Variants in MCF2L2 observed in about 807,000 individuals in gnomAD.
The protein encoded by MCF2L2 is probable guanine nucleotide exchange factor MCF2L2.
In MCF2L2, 102 loss-of-function variants were observed where a neutral mutation model predicts 150.2. That is an observed-to-expected ratio of 0.68 (90% CI 0.58 to 0.80). MCF2L2 has a LOEUF of 0.80. Among genes scored for constraint, MCF2L2 ranks in the 30% least tolerant of loss-of-function variants. The pLI, the probability that MCF2L2 is intolerant of heterozygous loss-of-function variation, is 0.00. For missense variants in MCF2L2, 1,256 were observed against 1,372.8 expected, an observed-to-expected ratio of 0.91 and a Z score of 1.34; for synonymous variants, 465 against 491.3, an observed-to-expected ratio of 0.95 and a Z score of 0.71.
intron 1 of MCF2L2, among the ~76,000 whole-genome samples, chr3:183,419,751 T>C (rs752602580): frequency 3.9e-5 from 6 of 152,170 alleles, no homozygotes; most frequent in Non-Finnish European, 8.8e-5. Context: ...CATGCACCTG[T>C]AGTCCCAGCT....
chr3:183,201,059 G>A (rs1458222551), intron 25 of MCF2L2, among the ~76,000 whole-genome samples: 3 of 152,178 alleles, frequency 2.0e-5, no homozygotes, highest in East Asian at 1.9e-4. Context: ...CAGGTAGCGT[G>A]ATGCCTCCAG....
chr3:183,202,389 A>G (rs1234037936), intron 25 of MCF2L2, among the ~76,000 whole-genome samples: 1 of 152,252 alleles, frequency 6.6e-6, no homozygotes, highest in East Asian at 1.9e-4. Flanking sequence ...AGGGTTGTAA[A>G]GGCTCCAAAA....
intron 1 of MCF2L2, among the ~76,000 whole-genome samples, chr3:183,395,346 AAAAG>A (rs1714378053): frequency 1.3e-5 from 2 of 151,122 alleles, no homozygotes; most frequent in East Asian, 1.9e-4. Flanking sequence ...CAGATTTTAA[AAAAG>A]AAAGAAAAAA....
At chr3:183,192,924 G>T in intron 27 of MCF2L2, 75 bp downstream of exon 27, 1 of 1,082,250 alleles carries the variant, frequency 9.2e-7, no homozygotes. Flanking sequence ...CCTAGGTGAT[G>T]TCTTCCTTAG....
At chr3:183,311,057 T>A in intron 8 of MCF2L2, 28 bp from the exon 9 acceptor site, 1 of 1,436,068 alleles carries the variant, frequency 7.0e-7, no homozygotes, top group Non-Finnish European at 9.8e-7. Flanking sequence ...GAAAGTGATG[T>A]TAGGTTAGCA....
In MCF2L2 at chr3:183,219,943, C is replaced by G. The variant is rs1723085776; in HGVS notation, c.2302-19G>C. The G allele has an allele frequency of 1.3e-6, 2 of 1,591,760 alleles. No individual in the cohort carries two copies. The highest frequency in any genetic ancestry group is 1.7e-6 in the Non-Finnish European group (2 of 1,162,550). On this transcript the variant is annotated intron_variant, in intron 20 of 29. Transcript: ENST00000328913. The stretch of plus-strand genomic sequence containing the variant: ...GCAGACCCTGCATTAACCCAAAAGT[C>G]TTGTTGAAAATTAAAATGTACATTG...
At chr3:183,315,318 T>C (rs901102085) in intron 7 of MCF2L2, among the ~76,000 whole-genome samples, 4 of 152,186 alleles carry the variant, frequency 2.6e-5, no homozygotes, top group Non-Finnish European at 4.4e-5. Context: ...TCACTTAATA[T>C]TCTTAATCGA....
chr3:183,389,983 C>T lies in MCF2L2; in HGVS notation c.77-204G>A, dbSNP rs1244051784. Among the ~76,000 whole-genome samples, 8 of 152,272 alleles carry T rather than the reference C, an allele frequency of 5.3e-5. No individual in the cohort carries two copies. The East Asian group carries it at 1.5e-3, about 29-fold the overall frequency. ...GTGCTTTGGAGCTTATGCATCTGAG[C>T]GTGGAACACATTTCTAGAGCCCCTA... is the stretch of plus-strand genomic sequence containing the variant. On this transcript the variant is annotated intron_variant, in intron 1 of 29. Transcript: ENST00000328913.
At chr3:183,364,360 C>CA (rs554590575) in intron 3 of MCF2L2, among the ~76,000 whole-genome samples, 6,318 of 148,106 alleles carry the variant, frequency 0.043, 181 homozygotes, top group Non-Finnish European at 0.049. Flanking sequence ...ACTAAAAATA[C>CA]AAAAAAAAAA....
rs1426108230 is a variant in MCF2L2 at position 183,223,407 on chromosome 3, G to T, written c.2240C>A (p.Pro747His). The T allele has an allele frequency of 1.2e-6, 2 of 1,614,036 alleles. No homozygotes were observed. Among genetic ancestry groups the T allele is most frequent in the Non-Finnish European group, 1.7e-6 (2 of 1,179,982 alleles). ...VCQRQLDHNL[P>H]LFKYLKGPSQ... ...TGGTCCTTTGAGATACTTAAAAAGA[G>T]GGAGATTGTGATCCAGTTGGCGCTG... The change falls in exon 20 of 30, where the codon CCT (proline) becomes CAT (histidine). Residue 747 changes from proline to histidine, a missense_variant. Pro to His is a moderately conservative substitution (Grantham distance 77). Transcript: ENST00000328913.
chr3:183,367,170 T>C (rs1712584680), intron 3 of MCF2L2, among the ~76,000 whole-genome samples: 1 of 152,188 alleles, frequency 6.6e-6, no homozygotes, highest in East Asian at 1.9e-4. Flanking sequence ...GTATACATAA[T>C]GTACATCACA....
intron 2 of MCF2L2, among the ~76,000 whole-genome samples, chr3:183,381,512 T>C (rs1713523689): frequency 6.6e-6 from 1 of 152,234 alleles, no homozygotes; most frequent in Non-Finnish European, 1.5e-5. Context: ...TAAACTTGTT[T>C]CAAGAAAAGG....
At chr3:183,415,494 G>A (rs1715542810) in intron 1 of MCF2L2, among the ~76,000 whole-genome samples, 2 of 151,968 alleles carry the variant, frequency 1.3e-5, no homozygotes, top group South Asian at 4.1e-4. Flanking sequence ...GCCAATAGTT[G>A]AATTTTCTAT....
chr3:183,415,987 T>C (rs1715568448), intron 1 of MCF2L2, among the ~76,000 whole-genome samples: 1 of 152,154 alleles, frequency 6.6e-6, no homozygotes, highest in African/African-American at 2.4e-5. Flanking sequence ...ATTTCTAGTA[T>C]AGCATTTTAA....
intron 3 of MCF2L2, among the ~76,000 whole-genome samples, chr3:183,371,464 C>T (rs1005716928): frequency 7.2e-6 from 1 of 138,032 alleles, no homozygotes. Context: ...CTCTGAGAAG[C>T]CTTTTTTTTT....
At chr3:183,386,579 A>G (rs980919538) in intron 2 of MCF2L2, among the ~76,000 whole-genome samples, 2 of 152,228 alleles carry the variant, frequency 1.3e-5, no homozygotes, top group African/African-American at 4.8e-5. Flanking sequence ...CCCGGTTGAC[A>G]GGGTCTCTGG....
At chr3:183,310,278 G>A (rs997561400) in intron 9 of MCF2L2, among the ~76,000 whole-genome samples, 35 of 152,084 alleles carry the variant, frequency 2.3e-4, no homozygotes, top group Non-Finnish European at 4.0e-4. Context: ...GAGGCAGGTA[G>A]GTCACAGAGG....
In MCF2L2 at chr3:183,342,907, A is replaced by C. The variant is rs139074254; in HGVS notation, c.276-1277T>G. Among the ~76,000 whole-genome samples the C allele has an allele frequency of 7.1e-3, 1,087 of 152,266 alleles. 8 individuals are homozygous for C. Among genetic ancestry groups the C allele is most frequent in the African/African-American group, 0.024 (1,012 of 41,546 alleles). On this transcript the variant is annotated intron_variant, in intron 3 of 29. Coordinates refer to ENST00000328913, the MANE Select transcript of MCF2L2 (RefSeq NM_015078.4). ...AGTGTGTATATGTGAATGAGGCAGAAGGTCTAAGCAAAACCTGCAGGAAAA... is the reference window on the plus strand; with the variant it reads ...AGTGTGTATATGTGAATGAGGCAGACGGTCTAAGCAAAACCTGCAGGAAAA...
chr3:183,228,022 T>TACACACACACACACACACACAC (rs1220376722), intron 18 of MCF2L2: 1 of 25,422 alleles, frequency 3.9e-5, no homozygotes, highest in Non-Finnish European at 2.5e-4. Context: ...TATATATATA[T>TACACACACACACACACACACAC]ACATATACAC....
Sources: allele counts gnomAD v4.1 joint callset (sites outside exome capture counted in the v4.1 genomes callset), GRCh38; gene constraint gnomAD v4.1.1; transcripts MANE v1.5; gene names NCBI Gene and HGNC (gene_info 2026-07-23, HGNC 2026-07-21).